The following UBE2E2 variants were observed in gnomAD, a reference collection of about 807,000 sequenced individuals.
The protein encoded by UBE2E2 is ubiquitin-conjugating enzyme E2 E2.
In UBE2E2, 6 loss-of-function variants were observed where a neutral mutation model predicts 24.7. The observed-to-expected ratio is 0.24, with a 90% CI of 0.13 to 0.48. The LOEUF is 0.48. UBE2E2 is among the 20% of genes least tolerant of loss of function. The pLI is 0.99. For synonymous variants in UBE2E2, 104 were observed against 83.6 expected (o/e 1.24, Z -1.33); for missense variants, 169 against 245.0 (o/e 0.69, Z 2.07).
chr3:23,493,171 A>C (rs191954417), intron 3 of UBE2E2, among the ~76,000 whole-genome samples: 1 of 152,302 alleles, frequency 6.6e-6, no homozygotes, highest in East Asian at 1.9e-4. Context: ...TGTTAAGTGA[A>C]AAAGCAGTAG....
intron 4 of UBE2E2, among the ~76,000 whole-genome samples, chr3:23,504,504 C>G (rs755101220): frequency 6.6e-6 from 1 of 152,186 alleles, no homozygotes; most frequent in South Asian, 2.1e-4. Context: ...TTTTTGGTAA[C>G]GATTGACAAA....
chr3:23,363,614 A>G (rs1236103527), intron 3 of UBE2E2, among the ~76,000 whole-genome samples: 1 of 152,232 alleles, frequency 6.6e-6, no homozygotes, highest in Non-Finnish European at 1.5e-5. Context: ...CTAAATATAT[A>G]TGTACCCACC....
rs1369597734 is a variant in UBE2E2, at chr3:23,474,975, G to A, written c.228-24633G>A. Among the ~76,000 whole-genome samples the A allele has an allele frequency of 6.6e-6, 1 of 151,972 alleles. No homozygotes were observed. Among genetic ancestry groups the A allele is most frequent in the African/African-American group, 2.4e-5 (1 of 41,282 alleles). On this transcript the variant is annotated intron_variant, in intron 3 of 5. Transcript: ENST00000396703. This position sits in a 1 kb window ranked among gnomAD's most constrained non-coding sequence, Gnocchi z 4.0. ...TTTCACTCAAATTGCTCCTCTCAAAGTCACCAACTGCATTTTGCTGAAAGT... is the reference window on the plus strand; with the variant it reads ...TTTCACTCAAATTGCTCCTCTCAAAATCACCAACTGCATTTTGCTGAAAGT...
chr3:23,375,839 A>C (rs1191714832), intron 3 of UBE2E2, among the ~76,000 whole-genome samples: 1 of 152,160 alleles, frequency 6.6e-6, no homozygotes, highest in Non-Finnish European at 1.5e-5. Context: ...CAGTTATTAC[A>C]CCAGAATCTT....
chr3:23,432,435 T>C (rs71322187), intron 3 of UBE2E2, among the ~76,000 whole-genome samples: 9,235 of 152,098 alleles, frequency 0.061, 450 homozygotes, highest in Non-Finnish European at 0.088. Context: ...CTATAGGACT[T>C]TAAACAAATT....
At chr3:23,421,237 ACT>A (rs1420557747) in intron 3 of UBE2E2, among the ~76,000 whole-genome samples, 1 of 151,976 alleles carries the variant, frequency 6.6e-6, no homozygotes, top group African/African-American at 2.4e-5. Context: ...TAGGCATTAA[ACT>A]CTACATAATT....
intron 3 of UBE2E2, among the ~76,000 whole-genome samples, chr3:23,430,515 G>GT (rs796479288): frequency 3.4e-4 from 51 of 150,902 alleles, no homozygotes; most frequent in Middle Eastern, 3.4e-3. Flanking sequence ...GTTGTGTGGC[G>GT]TTTTTTTTGT....
At chr3:23,309,019 C>A (rs750856785) in intron 3 of UBE2E2, among the ~76,000 whole-genome samples, 1 of 152,188 alleles carries the variant, frequency 6.6e-6, no homozygotes, top group African/African-American at 2.4e-5. Flanking sequence ...GAAGAGCAAG[C>A]AAACTGAATA....
intron 3 of UBE2E2, among the ~76,000 whole-genome samples, chr3:23,340,179 T>C (rs1229412270): frequency 6.6e-6 from 1 of 152,128 alleles, no homozygotes; most frequent in Non-Finnish European, 1.5e-5. Context: ...ATAAAAGATG[T>C]ATATATTCTA....
At chr3:23,554,102 G>T (rs1412496667) in intron 5 of UBE2E2, among the ~76,000 whole-genome samples, 1 of 152,064 alleles carries the variant, frequency 6.6e-6, no homozygotes, top group African/African-American at 2.4e-5. Flanking sequence ...TGGGGTTGAG[G>T]GGGGAAGAGA....
intron 5 of UBE2E2, among the ~76,000 whole-genome samples, chr3:23,549,923 CT>C (rs1695605289): frequency 6.6e-6 from 1 of 151,588 alleles, no homozygotes; most frequent in Non-Finnish European, 1.5e-5. Flanking sequence ...ATCCCAGCTA[CT>C]CAGGAGGCTA....
intron 3 of UBE2E2, among the ~76,000 whole-genome samples, chr3:23,471,021 C>T (rs939146062): frequency 2.0e-5 from 3 of 152,060 alleles, no homozygotes; most frequent in Non-Finnish European, 4.4e-5. Context: ...CTACAGTGAG[C>T]CCCCTCTGTT....
chr3:23,391,240 G>T (rs1280565500), intron 3 of UBE2E2, among the ~76,000 whole-genome samples: 1 of 152,134 alleles, frequency 6.6e-6, no homozygotes, highest in Non-Finnish European at 1.5e-5. Flanking sequence ...TAATGATTAG[G>T]TAATTCCTAG....
At chr3:23,315,490 G>C (rs1275373326) in intron 3 of UBE2E2, among the ~76,000 whole-genome samples, 2 of 152,034 alleles carry the variant, frequency 1.3e-5, no homozygotes, top group Non-Finnish European at 2.9e-5. Flanking sequence ...CAGTCTCTTT[G>C]ATGTATCTGA....
intron 3 of UBE2E2, chr3:23,323,430 C>T (rs2125292099): frequency 6.1e-6 from 2 of 329,444 alleles, no homozygotes; most frequent in Non-Finnish European, 1.2e-5. Flanking sequence ...GGCATGACCC[C>T]AGGGCTAGCT....
intron 5 of UBE2E2, among the ~76,000 whole-genome samples, chr3:23,544,374 C>T (rs1170840398): frequency 6.6e-6 from 1 of 152,022 alleles, no homozygotes; most frequent in African/African-American, 2.4e-5. Context: ...ACAGTCCCAT[C>T]AAAAAGTGGA....
chr3:23,281,167 A>G (rs1698482763), intron 3 of UBE2E2, among the ~76,000 whole-genome samples: 1 of 152,204 alleles, frequency 6.6e-6, no homozygotes, highest in South Asian at 2.1e-4. Flanking sequence ...TATGAATTTT[A>G]GGGAGACAAA....
At chr3:23,441,195 T>C (rs1444476773) in intron 3 of UBE2E2, among the ~76,000 whole-genome samples, 1 of 151,732 alleles carries the variant, frequency 6.6e-6, no homozygotes, top group Non-Finnish European at 1.5e-5. Flanking sequence ...CAGGCAACAA[T>C]TGTACCTGTG....
chr3:23,348,078 T>C (rs533695939), intron 3 of UBE2E2, among the ~76,000 whole-genome samples: 1 of 152,156 alleles, frequency 6.6e-6, no homozygotes, highest in Admixed American at 6.5e-5. Flanking sequence ...GTAGGACACA[T>C]CTCACCATCA....
Sources: allele counts gnomAD v4.1 joint callset (sites outside exome capture counted in the v4.1 genomes callset), GRCh38; gene constraint gnomAD v4.1.1; non-coding constraint Gnocchi (gnomAD v3.1); transcripts MANE v1.5; gene names NCBI Gene and HGNC (gene_info 2026-07-23, HGNC 2026-07-21).